The following CYP20A1 variants were observed in gnomAD, a reference collection of about 807,000 sequenced individuals.
CYP20A1 encodes cytochrome P450 20A1.
CYP20A1 carries 61 observed loss-of-function variants against 61.4 expected under a neutral mutation model. The ratio of observed to expected loss-of-function variants is 0.99; its 90% CI spans 0.81 to 1.23. The LOEUF is 1.23. Ranked by LOEUF, CYP20A1 falls within the 50% of genes most tolerant of loss-of-function variation. The pLI, the probability that CYP20A1 is intolerant of heterozygous loss-of-function variation, is 0.00. For synonymous variants in CYP20A1, 193 were observed against 188.2 expected (o/e 1.03, Z -0.21); for missense variants, 530 against 542.4 (o/e 0.98, Z 0.23).
At chr2:203,292,957 C>G (rs538545688) in intron 11 of CYP20A1, among the ~76,000 whole-genome samples, 1 of 151,912 alleles carries the variant, frequency 6.6e-6, no homozygotes, top group Non-Finnish European at 1.5e-5. Context: ...GGGCGGATCA[C>G]AAGGTCATGA....
rs930780947 is a variant in CYP20A1, at chr2:203,276,692, G to T, written c.680-1881G>T. 3.3e-5 allele frequency among the ~76,000 whole-genome samples: 5 copies of T among 152,282 alleles called. No individual in the cohort carries two copies. The East Asian group carries it at 9.6e-4, about 29-fold the overall frequency. On this transcript the variant is annotated intron_variant, in intron 6 of 12. Transcript: ENST00000356079. Reference sequence around the variant, plus strand: ...AAGACTATGGGAAGATCCAGGATTTGGGGGAAAGCTCAAGAGTTCAGTGTT... The same window carrying T: ...AAGACTATGGGAAGATCCAGGATTTTGGGGAAAGCTCAAGAGTTCAGTGTT...
chr2:203,260,257 C>G (rs1009859253), intron 4 of CYP20A1, among the ~76,000 whole-genome samples: 1 of 151,858 alleles, frequency 6.6e-6, no homozygotes, highest in African/African-American at 2.4e-5. Flanking sequence ...CAGTGTCACT[C>G]TGTCGTCCAG....
At chr2:203,247,866 C>G (rs2066516288) in intron 3 of CYP20A1, among the ~76,000 whole-genome samples, 1 of 151,684 alleles carries the variant, frequency 6.6e-6, no homozygotes, top group African/African-American at 2.4e-5. Context: ...CCAAAAAACA[C>G]AGAATATTAA....
chr2:203,266,645 T>A lies in CYP20A1; in HGVS notation c.564T>A (p.Asp188Glu). ...TAATGGGTAGTACATTTGAAGATGA[T>A]CAGGAAGTCATTCGCTTCCAGAAGA... The part of the protein sequence containing the change: ...QMVMGSTFED[D>E]QEVIRFQKNH... Residue 188 changes from aspartate (D) to glutamate (E), a missense_variant, in exon 5 of 13, where the codon GAT becomes GAA. Asp to Glu is a conservative substitution (Grantham distance 45). Transcript: ENST00000356079. 1 of 1,614,020 alleles carries A rather than the reference T, an allele frequency of 6.2e-7. No individual in the cohort carries two copies. Among genetic ancestry groups the A allele is most frequent in the South Asian group, 1.1e-5 (1 of 91,068 alleles).
intron 4 of CYP20A1, among the ~76,000 whole-genome samples, chr2:203,262,120 A>G (rs751861327): frequency 1.3e-5 from 2 of 152,204 alleles, no homozygotes; most frequent in African/African-American, 2.4e-5. Flanking sequence ...CTTCTTACAA[A>G]TGCCTTTCTA....
At chr2:203,259,108 G>C (rs1228150901) in intron 4 of CYP20A1, among the ~76,000 whole-genome samples, 1 of 152,004 alleles carries the variant, frequency 6.6e-6, no homozygotes, top group Admixed American at 6.6e-5. Context: ...CAAACTTTCA[G>C]TCTTTTCTGT....
intron 8 of CYP20A1, among the ~76,000 whole-genome samples, chr2:203,282,751 T>A (rs2068095798): frequency 6.6e-6 from 1 of 152,266 alleles, no homozygotes; most frequent in Admixed American, 6.5e-5. Context: ...AATAAGTCCT[T>A]ACTCTGCCCC....
rs2068571974 is a variant in CYP20A1, at chr2:203,292,299, A to G, written c.1121A>G (p.Asp374Gly). ...VLYALGVVLQDPNTWPSPHKF... is the reference protein window; with the variant it reads ...VLYALGVVLQGPNTWPSPHKF... ...TATGCCCTTGGTGTGGTACTTCAGG[A>G]TCCTAATACTTGGCCATCTCCACAC... is the stretch of plus-strand genomic sequence containing the variant. Residue 374 changes from aspartate to glycine, a missense_variant, in exon 11 of 13, where the codon GAT (aspartate) becomes GGT (glycine). Coordinates refer to ENST00000356079, the MANE Select transcript of CYP20A1 (RefSeq NM_177538.3). The G allele has an allele frequency of 2.5e-6, 4 of 1,612,434 alleles. No individual in the cohort carries two copies. The South Asian group carries it at 4.4e-5, about 18-fold the overall frequency.
intron 4 of CYP20A1, among the ~76,000 whole-genome samples, chr2:203,255,826 C>T (rs1575185544): frequency 6.6e-6 from 1 of 152,172 alleles, no homozygotes; most frequent in East Asian, 1.9e-4. Flanking sequence ...ATGCTATTCC[C>T]ATTGCGTGGA....
intron 1 of CYP20A1, among the ~76,000 whole-genome samples, chr2:203,239,755 T>C (rs1485590576): frequency 6.6e-6 from 1 of 152,166 alleles, no homozygotes; most frequent in East Asian, 1.9e-4. Flanking sequence ...GAGCCTCCGG[T>C]CCTCCTCTCT....
chr2:203,272,704 G>T lies in CYP20A1; in HGVS notation c.635G>T (p.Gly212Val). 1.2e-6 allele frequency: 2 copies of T among 1,607,128 alleles called. No individual in the cohort carries two copies. Among genetic ancestry groups the T allele is most frequent in the Non-Finnish European group, 1.7e-6 (2 of 1,177,788 alleles). Reference sequence around the variant, plus strand: ...GAGATTGGAAAAGGCTTTCTAGATGGGTCACTTGATAAAAACATGACTCGG... The same window carrying T: ...GAGATTGGAAAAGGCTTTCTAGATGTGTCACTTGATAAAAACATGACTCGG... Reference protein sequence around the residue: ...WSEIGKGFLDGSLDKNMTRKK... With the variant: ...WSEIGKGFLDVSLDKNMTRKK... Residue 212 changes from glycine (G) to valine (V), a missense_variant, in exon 6 of 13, where the codon GGG becomes GTG. Physicochemically the swap from Gly to Val is moderately radical, Grantham distance 109. Coordinates refer to ENST00000356079, the MANE Select transcript of CYP20A1 (RefSeq NM_177538.3).
rs1305427212 is a variant in CYP20A1 at position 203,301,393 on chromosome 2, A to G, written c.*4485A>G. Reference sequence around the variant, plus strand: ...CTCAGCCTCTAGAATAGCTGGGACTACATATGCATGCCACCATGCCCAGCT... The same window carrying G: ...CTCAGCCTCTAGAATAGCTGGGACTGCATATGCATGCCACCATGCCCAGCT... On this transcript the variant is annotated 3_prime_UTR_variant, in exon 13 of 13. Coordinates refer to ENST00000356079, the MANE Select transcript of CYP20A1 (RefSeq NM_177538.3). Among the ~76,000 whole-genome samples the G allele has an allele frequency of 6.6e-6, 1 of 151,870 alleles. No homozygotes were observed. The highest frequency in any genetic ancestry group is 2.4e-5 in the African/African-American group (1 of 41,356).
At chr2:203,294,438 G>A (rs1433320155) in intron 11 of CYP20A1, among the ~76,000 whole-genome samples, 1 of 151,922 alleles carries the variant, frequency 6.6e-6, no homozygotes, top group East Asian at 1.9e-4. Context: ...TCGGGAGGCT[G>A]AGGCAGGAGA....
rs1276087435 is a variant in CYP20A1 at position 203,301,075 on chromosome 2, A to G, written c.*4167A>G. Among the ~76,000 whole-genome samples, 1 of 151,584 alleles carries G rather than the reference A, an allele frequency of 6.6e-6. No homozygotes were observed. Among genetic ancestry groups the G allele is most frequent in the Non-Finnish European group, 1.5e-5 (1 of 67,888 alleles). On this transcript the variant is annotated 3_prime_UTR_variant, in exon 13 of 13. Transcript: ENST00000356079. ...GCCGGGCGTGGTGGCACATGCCTTTAATCCCAGCTACTGGGGAGGCTGAAA... is the reference window on the plus strand; with the variant it reads ...GCCGGGCGTGGTGGCACATGCCTTTGATCCCAGCTACTGGGGAGGCTGAAA...
chr2:203,261,415 A>G (rs1166781665), intron 4 of CYP20A1, among the ~76,000 whole-genome samples: 1 of 150,276 alleles, frequency 6.7e-6, no homozygotes, highest in Non-Finnish European at 1.5e-5. Flanking sequence ...TTAAAAATAT[A>G]TATTAGCTGG....
intron 6 of CYP20A1, among the ~76,000 whole-genome samples, chr2:203,276,866 G>A (rs2067842349): frequency 6.6e-6 from 1 of 152,152 alleles, no homozygotes. Context: ...CTTGAGATTA[G>A]AGATCACCAG....
chr2:203,284,012 CA>C (rs1203838711), intron 8 of CYP20A1, among the ~76,000 whole-genome samples: 1 of 152,058 alleles, frequency 6.6e-6, no homozygotes, highest in Admixed American at 6.6e-5. Context: ...TGTAAAATAG[CA>C]ATTCTACAGT....
chr2:203,281,607 C>T (rs2068042916), intron 8 of CYP20A1, among the ~76,000 whole-genome samples: 3 of 151,936 alleles, frequency 2.0e-5, no homozygotes, highest in African/African-American at 7.3e-5. Flanking sequence ...TCGAGACCAG[C>T]CTGACCAACA....
At chr2:203,282,548 A>G (rs1003414805) in intron 8 of CYP20A1, among the ~76,000 whole-genome samples, 3 of 152,138 alleles carry the variant, frequency 2.0e-5, no homozygotes, top group Admixed American at 2.0e-4. Context: ...TTTGCTAAAG[A>G]CCTTTAAAAA....
Sources: allele counts gnomAD v4.1 joint callset (sites outside exome capture counted in the v4.1 genomes callset), GRCh38; gene constraint gnomAD v4.1.1; transcripts MANE v1.5; gene names NCBI Gene and HGNC (gene_info 2026-07-23, HGNC 2026-07-21).